The following TLL2 variants were observed in gnomAD, a reference collection of about 807,000 sequenced individuals.
TLL2 encodes the protein tolloid-like protein 2.
A neutral mutation model predicts 123.0 loss-of-function variants in TLL2; 106 were observed. The observed-to-expected ratio is 0.86, with a 90% CI of 0.74 to 1.01. TLL2 has a LOEUF of 1.01. Ranked by LOEUF, TLL2 falls within the 50% of genes least tolerant of loss-of-function variation. TLL2 has a pLI of 0.00. For synonymous variants in TLL2, 494 were observed against 516.8 expected (o/e 0.96, Z 0.60); for missense variants, 1,332 against 1,336.7 (o/e 1.00, Z 0.06).
intron 5 of TLL2, among the ~76,000 whole-genome samples, chr10:96,426,980 G>A (rs1156797338): frequency 6.6e-6 from 1 of 152,128 alleles, no homozygotes; most frequent in Non-Finnish European, 1.5e-5. Context: ...TTGTCAACGG[G>A]TGATGTGGAT....
intron 2 of TLL2, among the ~76,000 whole-genome samples, chr10:96,479,967 C>T (rs1378340740): frequency 6.6e-6 from 1 of 152,238 alleles, no homozygotes; most frequent in Non-Finnish European, 1.5e-5. Context: ...GGCTTCTCCA[C>T]TCACTCTCTG....
At chr10:96,373,872 T>C (rs1296695607) in intron 18 of TLL2, 63 bp from the exon 19 acceptor site, 3 of 1,495,680 alleles carry the variant, frequency 2.0e-6, no homozygotes, top group Non-Finnish European at 2.7e-6. Context: ...GGGGGCCTCC[T>C]TTCCAGTTCT....
intron 11 of TLL2, among the ~76,000 whole-genome samples, chr10:96,396,586 T>TC (rs1230325122): frequency 2.7e-5 from 4 of 149,354 alleles, no homozygotes; most frequent in Non-Finnish European, 4.5e-5. Flanking sequence ...CCTTTCTTTT[T>TC]TTTTTTTTTT....
chr10:96,470,802 C>T (rs942513787), intron 2 of TLL2, among the ~76,000 whole-genome samples: 13 of 152,174 alleles, frequency 8.5e-5, no homozygotes, highest in African/African-American at 3.1e-4. Context: ...TAGTACCTAC[C>T]ACATAGAACT....
At chr10:96,422,362 C>T (rs546919236) in intron 6 of TLL2, among the ~76,000 whole-genome samples, 187 bp downstream of exon 6, 14 of 152,278 alleles carry the variant, frequency 9.2e-5, no homozygotes, top group Admixed American at 6.5e-4. Context: ...GGCAGATGAC[C>T]TCCCAGGAAG....
chr10:96,404,124 C>T (rs1462574958), intron 10 of TLL2, among the ~76,000 whole-genome samples: 1 of 152,166 alleles, frequency 6.6e-6, no homozygotes, highest in Non-Finnish European at 1.5e-5. Context: ...GGTGCCGATG[C>T]AGGTCCTTGG....
At position 96,394,528 on chromosome 10, in the gene TLL2, C is replaced by T. The variant is rs11188744; in HGVS notation, c.1726+659G>A. On this transcript the variant is annotated intron_variant, in intron 13 of 20. Coordinates refer to ENST00000357947, the MANE Select transcript of TLL2 (RefSeq NM_012465.4). The stretch of plus-strand genomic sequence containing the variant: ...AGAGCAGCAGGTCCCCAGGGCAACA[C>T]GGAAATTTGTTCCCAGAGTGCCACC... Among the ~76,000 whole-genome samples, 468 of 152,118 alleles carry T rather than the reference C, an allele frequency of 3.1e-3. 1 individual carries two copies. The highest frequency in any genetic ancestry group is 5.8e-3 in the Non-Finnish European group (395 of 67,984).
chr10:96,428,633 A>G lies in TLL2; in HGVS notation c.636T>C (p.Cys212=). 3 of 1,609,786 alleles carry G rather than the reference A, an allele frequency of 1.9e-6. No individual in the cohort carries two copies. Among genetic ancestry groups the G allele is most frequent in the Non-Finnish European group, 2.5e-6 (3 of 1,176,542 alleles). ...ESFIVFSYRT[C]GCCSYVGRRG... ...TGGCCTCGCTTTCGTTTACTTACCCACAGGTTCTGTAACTGAATACAATAA... is the reference window on the plus strand; with the variant it reads ...TGGCCTCGCTTTCGTTTACTTACCCGCAGGTTCTGTAACTGAATACAATAA... Residue 212 remains cysteine, a splice_region_variant and synonymous_variant, in exon 5 of 21, where the codon TGT becomes TGC. Transcript: ENST00000357947.
rs1589404448 is a variant in TLL2, at chr10:96,374,958, T to C, written c.2449-1149A>G. ...ACAGAGCAGGGAGACAGGACATTAGTTGCGGGGGGGGGGGGGGGGTGTCAA... is the reference window on the plus strand; with the variant it reads ...ACAGAGCAGGGAGACAGGACATTAGCTGCGGGGGGGGGGGGGGGGTGTCAA... On this transcript the variant is annotated intron_variant, in intron 18 of 20. Coordinates refer to ENST00000357947, the MANE Select transcript of TLL2 (RefSeq NM_012465.4). Among the ~76,000 whole-genome samples the C allele has an allele frequency of 8.9e-5, 4 of 44,870 alleles. 1 individual carries two copies. In the Admixed American group the frequency reaches 1.1e-3, roughly 12 times the overall value. The allele number at this position is 44,870 out of a possible 152,430, so 29.4% of individuals were successfully genotyped here. A position where few individuals can be genotyped will look rare whatever the true frequency, so the allele number is the denominator to read the frequency against.
chr10:96,390,376 G>T (rs1450351940), intron 13 of TLL2, among the ~76,000 whole-genome samples: 1 of 152,248 alleles, frequency 6.6e-6, no homozygotes, highest in Non-Finnish European at 1.5e-5. Context: ...AATTCTTTAT[G>T]TGGGGGGCAT....
chr10:96,452,563 C>T (rs1217823318), intron 2 of TLL2, among the ~76,000 whole-genome samples: 3 of 152,210 alleles, frequency 2.0e-5, no homozygotes, highest in Non-Finnish European at 4.4e-5. Flanking sequence ...TAAATAAGTA[C>T]TGTTATTCCT....
intron 3 of TLL2, among the ~76,000 whole-genome samples, chr10:96,442,144 T>C (rs2134085412): frequency 6.6e-6 from 1 of 152,194 alleles, no homozygotes; most frequent in South Asian, 2.1e-4. Flanking sequence ...GACCAAAGGG[T>C]CTGCCGGAGG....
chr10:96,386,148 A>C lies in TLL2; in HGVS notation c.1920T>G (p.Tyr640Ter). 4 of 1,613,190 alleles carry C rather than the reference A, an allele frequency of 2.5e-6. No individual in the cohort carries two copies. The highest frequency in any genetic ancestry group is 3.3e-5 in the Admixed American group (2 of 59,944). ...GCCAGACACAGTTTTTGTTTGTGGG[A>C]TACTCCTTCGGCCACCCAGGGCTGG... is the stretch of plus-strand genomic sequence containing the variant. ...TITSPGWPKEYPTNKNCVWQV... is the reference protein window; with the variant it reads ...TITSPGWPKE The change falls in exon 15 of 21, where the codon TAT (tyrosine) becomes TAG (stop). Residue 640 changes from tyrosine to a stop codon, truncating the protein, a stop_gained. Coordinates refer to ENST00000357947, the MANE Select transcript of TLL2 (RefSeq NM_012465.4). LOFTEE classifies it high-confidence loss of function.
At chr10:96,391,406 G>A (rs1386126534) in intron 13 of TLL2, among the ~76,000 whole-genome samples, 1 of 152,176 alleles carries the variant, frequency 6.6e-6, no homozygotes, top group Non-Finnish European at 1.5e-5. Context: ...GAGCCCTTTT[G>A]CCTATACCTC....
chr10:96,503,082 C>A (rs1475416987), intron 1 of TLL2, among the ~76,000 whole-genome samples: 3 of 152,076 alleles, frequency 2.0e-5, no homozygotes, highest in Non-Finnish European at 4.4e-5. Context: ...AAACCTGCTT[C>A]TACACATTTG....
At chr10:96,472,356 C>A (rs554293100) in intron 2 of TLL2, among the ~76,000 whole-genome samples, 1 of 152,264 alleles carries the variant, frequency 6.6e-6, no homozygotes, top group Admixed American at 6.5e-5. Context: ...GCACTCCTAC[C>A]CCAACAAATA....
At chr10:96,432,477 T>A (rs761636910) in intron 4 of TLL2, among the ~76,000 whole-genome samples, 49 of 152,130 alleles carry the variant, frequency 3.2e-4, no homozygotes, top group Non-Finnish European at 6.3e-4. Flanking sequence ...CATGTGCAGT[T>A]GCTCAGGGAC....
chr10:96,387,013 T>G lies in TLL2; in HGVS notation c.1792A>C (p.Ser598Arg). ...CCAGGGTCACAGGCACACTTGTAGC[T>G]GCCCAGCGTGTTCACACAGCGATGC... is the stretch of plus-strand genomic sequence containing the variant. ...CEHRCVNTLGSYKCACDPGYE... is the reference protein window; with the variant it reads ...CEHRCVNTLGRYKCACDPGYE... The change falls in exon 14 of 21, where the codon AGC (serine) becomes CGC (arginine). Residue 598 changes from serine (S) to arginine (R), a missense_variant. By Grantham distance (110) the Ser-to-Arg change is moderately radical. Coordinates refer to ENST00000357947, the MANE Select transcript of TLL2 (RefSeq NM_012465.4). 2 of 1,614,132 alleles carry G rather than the reference T, an allele frequency of 1.2e-6. No homozygotes were observed. Among genetic ancestry groups the G allele is most frequent in the South Asian group, 2.2e-5 (2 of 91,086 alleles).
intron 2 of TLL2, among the ~76,000 whole-genome samples, chr10:96,462,632 A>C (rs902037167): frequency 6.6e-6 from 1 of 152,244 alleles, no homozygotes; most frequent in Non-Finnish European, 1.5e-5. Context: ...CGATAGATAC[A>C]TAACCTTGTT....
Sources: gnomAD v4.1 joint callset for allele counts (sites outside exome capture counted in the v4.1 genomes callset) on GRCh38, gnomAD v4.1.1 for gene constraint, MANE v1.5 for transcripts, NCBI Gene and HGNC (gene_info 2026-07-23, HGNC 2026-07-21) for gene names.